Variants in NCKAP5 observed in about 807,000 individuals in gnomAD.
The protein encoded by NCKAP5 is NCK associated protein 5.
In NCKAP5, 92 loss-of-function variants were observed where a neutral mutation model predicts 167.0. That is an observed-to-expected ratio of 0.55 (90% CI 0.47 to 0.66). The LOEUF (loss-of-function observed/expected upper bound fraction) is 0.66, where lower values mean the gene tolerates loss of function less well. NCKAP5 is among the 30% of genes least tolerant of loss of function. The probability of loss-of-function intolerance (pLI) is 0.00; values close to 1 mark genes in which losing one functional copy is unlikely to be tolerated. For synonymous variants in NCKAP5, 891 were observed against 877.4 expected, an observed-to-expected ratio of 1.02 and a Z score of -0.27; for missense variants, 2,378 against 2,315.0, an observed-to-expected ratio of 1.03 and a Z score of -0.56.
At chr2:132,786,421 A>G (rs1683572619) in intron 13 of NCKAP5, among the ~76,000 whole-genome samples, 1 of 152,218 alleles carries the variant, frequency 6.6e-6, no homozygotes, top group Non-Finnish European at 1.5e-5. Flanking sequence ...AAATTTTCTT[A>G]AGTTACTACA....
At position 133,552,450 on chromosome 2, in the gene NCKAP5, A is replaced by G. The variant is rs371026398; in HGVS notation, c.-62+6600T>C. On this transcript the variant is annotated intron_variant, in intron 2 of 19. Transcript: ENST00000409261. ...ATGAGTTCGTGTCCTTTGTAGCGAC[A>G]TGGATGAAATTGGAAATCATCATTC... Among the ~76,000 whole-genome samples, 16 of 147,860 alleles carry G rather than the reference A, an allele frequency of 1.1e-4. No individual in the cohort carries two copies. In the East Asian group the frequency reaches 3.4e-3, roughly 31 times the overall value.
At chr2:133,309,326 G>C (rs1018961412) in intron 3 of NCKAP5, among the ~76,000 whole-genome samples, 1 of 152,068 alleles carries the variant, frequency 6.6e-6, no homozygotes, top group Admixed American at 6.5e-5. Flanking sequence ...ATAAATTTTA[G>C]AAAGCTTGAT....
intron 4 of NCKAP5, among the ~76,000 whole-genome samples, chr2:133,243,462 T>C (rs1275358791): frequency 6.6e-6 from 1 of 152,222 alleles, no homozygotes; most frequent in Non-Finnish European, 1.5e-5. Context: ...GAGAAAATGC[T>C]GTGACAGTGT....
chr2:133,163,828 G>C (rs1260593405), intron 5 of NCKAP5, among the ~76,000 whole-genome samples: 2 of 152,170 alleles, frequency 1.3e-5, no homozygotes, highest in Non-Finnish European at 2.9e-5. Flanking sequence ...GTAATTGTAT[G>C]AGATGAATTC....
chr2:132,823,336 A>G (rs10207349), intron 11 of NCKAP5, among the ~76,000 whole-genome samples: 152,305 of 152,308 alleles, frequency 1, 76,151 homozygotes, highest in Non-Finnish European at 1. Context: ...AAACCTATCA[A>G]ATTAACAGCA....
At chr2:133,577,223 A>ACC in the NCKAP5 span, among the ~76,000 whole-genome samples, 1 of 151,984 alleles carries the variant, frequency 6.6e-6, no homozygotes, top group Non-Finnish European at 1.5e-5. Context: ...AGAATGCACC[A>ACC]CCCCTGTGGT....
At chr2:132,967,644 AT>A (rs1245327417) in intron 7 of NCKAP5, among the ~76,000 whole-genome samples, 3 of 152,200 alleles carry the variant, frequency 2.0e-5, no homozygotes, top group Non-Finnish European at 4.4e-5. Context: ...CAATTCACTC[AT>A]TTGTTCATCC....
chr2:133,180,663 A>G (rs928446621), intron 5 of NCKAP5, among the ~76,000 whole-genome samples: 3 of 152,186 alleles, frequency 2.0e-5, no homozygotes, highest in South Asian at 4.1e-4. Context: ...AGTTTTCTAA[A>G]TAAAAACAGA....
intron 5 of NCKAP5, among the ~76,000 whole-genome samples, chr2:133,193,990 A>G (rs539463757): frequency 6.6e-6 from 1 of 152,142 alleles, no homozygotes; most frequent in Non-Finnish European, 1.5e-5. Flanking sequence ...CAGTGACTTT[A>G]CTGCTTTTAA....
chr2:133,064,620 A>T (rs1479996294), intron 6 of NCKAP5, among the ~76,000 whole-genome samples: 2 of 152,224 alleles, frequency 1.3e-5, no homozygotes, highest in East Asian at 3.8e-4. Context: ...AGCCTGGTAA[A>T]TAAGAAAGTT....
At chr2:133,452,688 T>C (rs908100421) in intron 3 of NCKAP5, among the ~76,000 whole-genome samples, 4 of 152,126 alleles carry the variant, frequency 2.6e-5, no homozygotes, top group Non-Finnish European at 5.9e-5. Flanking sequence ...AAATCAATCC[T>C]TAAATCCATT....
intron 11 of NCKAP5, among the ~76,000 whole-genome samples, chr2:132,852,767 G>A (rs1689172389): frequency 6.6e-6 from 1 of 152,154 alleles, no homozygotes; most frequent in South Asian, 2.1e-4. Flanking sequence ...ATTCTTCAAA[G>A]TCAAGGTTAG....
intron 6 of NCKAP5, among the ~76,000 whole-genome samples, chr2:133,110,560 AAAGCAGAAT>A (rs1051752963): frequency 9.2e-5 from 14 of 152,174 alleles, no homozygotes; most frequent in African/African-American, 3.4e-4. Flanking sequence ...AGGGCGAGAA[AAAGCAGAAT>A]ATCATTCCAG....
intron 3 of NCKAP5, among the ~76,000 whole-genome samples, chr2:133,494,601 G>A (rs1681765356): frequency 6.6e-6 from 1 of 152,156 alleles, no homozygotes; most frequent in Non-Finnish European, 1.5e-5. Flanking sequence ...TTCAGGCCAT[G>A]ATGAGAAGGT....
At chr2:133,017,012 G>C (rs2078361118) in intron 6 of NCKAP5, among the ~76,000 whole-genome samples, 1 of 152,158 alleles carries the variant, frequency 6.6e-6, no homozygotes, top group Non-Finnish European at 1.5e-5. Flanking sequence ...CTGATTGATA[G>C]GCAGTGTGAA....
chr2:133,082,937 C>T (rs1305127455), intron 6 of NCKAP5, among the ~76,000 whole-genome samples: 6 of 152,028 alleles, frequency 3.9e-5, no homozygotes, highest in Admixed American at 1.3e-4. Context: ...ATGCAAATGC[C>T]ACATCCCACT....
chr2:133,307,685 A>T (rs1680879216), intron 3 of NCKAP5, among the ~76,000 whole-genome samples: 1 of 152,232 alleles, frequency 6.6e-6, no homozygotes, highest in Admixed American at 6.5e-5. Flanking sequence ...AGACATTCTC[A>T]GGCATTCATG....
At chr2:133,672,334 A>C in the NCKAP5 span, among the ~76,000 whole-genome samples, 1 of 152,336 alleles carries the variant, frequency 6.6e-6, no homozygotes, top group East Asian at 1.9e-4. Context: ...AACTTCTCAA[A>C]GTGTGGTCCA....
intron 6 of NCKAP5, among the ~76,000 whole-genome samples, chr2:132,996,904 C>G (rs1356323105): frequency 2.0e-5 from 3 of 152,234 alleles, no homozygotes; most frequent in African/African-American, 7.2e-5. Flanking sequence ...AGCCTGAACT[C>G]AATGCCCTGA....
Sources: gnomAD v4.1 joint callset for allele counts (sites outside exome capture counted in the v4.1 genomes callset) on GRCh38, gnomAD v4.1.1 for gene constraint, MANE v1.5 for transcripts, NCBI Gene and HGNC (gene_info 2026-07-23, HGNC 2026-07-21) for gene names.